Variants in OLFML2B observed in about 807,000 individuals in gnomAD.
The protein encoded by OLFML2B is olfactomedin-like protein 2B.
OLFML2B carries 57 observed loss-of-function variants against 74.9 expected under a neutral mutation model. The observed-to-expected ratio is 0.76, with a 90% CI of 0.61 to 0.95. OLFML2B has a LOEUF of 0.95. Ranked by LOEUF, OLFML2B falls within the 40% of genes least tolerant of loss-of-function variation. The pLI, the probability that OLFML2B is intolerant of heterozygous loss-of-function variation, is 0.00. For synonymous variants in OLFML2B, 388 were observed against 405.8 expected (o/e 0.96, Z 0.53); for missense variants, 986 against 970.6 (o/e 1.02, Z -0.21).
At chr1:161,996,055 C>T (rs1001916050) in intron 6 of OLFML2B, among the ~76,000 whole-genome samples, 1 of 152,142 alleles carries the variant, frequency 6.6e-6, no homozygotes, top group Non-Finnish European at 1.5e-5. Flanking sequence ...TCTCCTGCTC[C>T]CACCCTCACC....
intron 1 of OLFML2B, among the ~76,000 whole-genome samples, chr1:162,021,603 C>G (rs909957235): frequency 1.3e-5 from 2 of 152,234 alleles, no homozygotes; most frequent in African/African-American, 4.8e-5. Flanking sequence ...GTTTTCCTTG[C>G]AAAGATTGGG....
intron 6 of OLFML2B, among the ~76,000 whole-genome samples, chr1:161,996,453 C>A (rs1355502181): frequency 6.6e-6 from 1 of 152,202 alleles, no homozygotes; most frequent in East Asian, 1.9e-4. Context: ...CTGTCTCTGG[C>A]AGCAGCTGGT....
chr1:161,997,422 G>A (rs1005668886), intron 6 of OLFML2B, among the ~76,000 whole-genome samples: 4 of 152,130 alleles, frequency 2.6e-5, no homozygotes, highest in African/African-American at 9.7e-5. Context: ...ACAAATCTGA[G>A]ACTTTCCCCC....
At position 161,983,821 on chromosome 1, in the gene OLFML2B, G is replaced by C; in HGVS notation, c.2107C>G (p.His703Asp). 1 of 1,614,170 alleles carries C rather than the reference G, an allele frequency of 6.2e-7. No homozygotes were observed. Among genetic ancestry groups the C allele is most frequent in the Non-Finnish European group, 8.5e-7 (1 of 1,180,032 alleles). Residue 703 changes from histidine (H) to aspartate (D), a missense_variant, in exon 8 of 8, where the codon CAC becomes GAC. Transcript: ENST00000294794. Reference sequence around the variant, plus strand: ...CTGGGGACGATCTGTGTGTTGGTGTGGGTGTCGAAAGCGTAGGAGATGTTG... The same window carrying C: ...CTGGGGACGATCTGTGTGTTGGTGTCGGTGTCGAAAGCGTAGGAGATGTTG... ...NANISYAFDT[H>D]TNTQIVPRLL...
intron 6 of OLFML2B, among the ~76,000 whole-genome samples, chr1:161,993,210 C>T (rs923384714): frequency 2.6e-5 from 4 of 152,298 alleles, no homozygotes; most frequent in African/African-American, 7.2e-5. Flanking sequence ...CACTGGGCCC[C>T]GATGCTCTTG....
At chr1:162,009,780 C>T (rs2101971765) in intron 3 of OLFML2B, among the ~76,000 whole-genome samples, 1 of 152,310 alleles carries the variant, frequency 6.6e-6, no homozygotes. Context: ...TCAGCCACCT[C>T]CAACCTGGGG....
In OLFML2B at chr1:161,983,495, G is replaced by A. The variant is rs1004540357; in HGVS notation, c.*180C>T. On this transcript the variant is annotated 3_prime_UTR_variant, in exon 8 of 8. Coordinates refer to ENST00000294794, the MANE Select transcript of OLFML2B (RefSeq NM_015441.3). ...GGATGAGACCAGCACATACACGTAT[G>A]GATTGATCTACAATCCATATAAAAA... 3 of 635,862 alleles carry A rather than the reference G, an allele frequency of 4.7e-6. No individual in the cohort carries two copies. In the African/African-American group the frequency reaches 5.5e-5, roughly 12 times the overall value. 39.4% of individuals were successfully genotyped at this position (635,862 alleles called of 1,614,324 possible).
chr1:161,998,516 G>A (rs1025822087), intron 5 of OLFML2B, among the ~76,000 whole-genome samples, 167 bp from the exon 6 acceptor site: 7 of 152,160 alleles, frequency 4.6e-5, no homozygotes, highest in African/African-American at 7.2e-5. Context: ...GTACAGGAGC[G>A]CAGGTGGAAG....
intron 6 of OLFML2B, among the ~76,000 whole-genome samples, chr1:161,992,227 A>T (rs1437642578): frequency 2.6e-5 from 4 of 152,254 alleles, no homozygotes; most frequent in Non-Finnish European, 5.9e-5. Context: ...AGCCTCTGTT[A>T]GCTTCAGACT....
At chr1:162,022,649 T>C (rs1690752950) in intron 1 of OLFML2B, among the ~76,000 whole-genome samples, 1 of 152,178 alleles carries the variant, frequency 6.6e-6, no homozygotes, top group Non-Finnish European at 1.5e-5. Context: ...AAACGGACAC[T>C]TTACGAAGCC....
chr1:162,022,409 C>T (rs912445387), intron 1 of OLFML2B, among the ~76,000 whole-genome samples: 1 of 152,012 alleles, frequency 6.6e-6, no homozygotes, highest in Non-Finnish European at 1.5e-5. Flanking sequence ...TGCCACCACG[C>T]CTGGCTAATT....
Position 162,020,177 on chromosome 1 carries a change from C to T in OLFML2B, c.180G>A (p.Leu60=), listed in dbSNP as rs1196905768. ...DNQENVLSQL[L]GDYDKVKAMS... ...TAGCCTTGACCTTGTCATAGTCCCC[C>T]AGCAACTAGACACACAGAAAACGGG... is the stretch of plus-strand genomic sequence containing the variant. The change falls in exon 2 of 8, where the codon CTG becomes CTA. Residue 60 remains leucine, a synonymous_variant. Transcript: ENST00000294794. The T allele has an allele frequency of 2.5e-6, 4 of 1,613,952 alleles. No individual in the cohort carries two copies. The highest frequency in any genetic ancestry group is 3.4e-6 in the Non-Finnish European group (4 of 1,179,830).
intron 3 of OLFML2B, among the ~76,000 whole-genome samples, chr1:162,016,480 A>T (rs1242223728): frequency 6.6e-6 from 1 of 152,212 alleles, no homozygotes; most frequent in Non-Finnish European, 1.5e-5. Flanking sequence ...AGGAATATTG[A>T]TATGTTTACA....
intron 6 of OLFML2B, among the ~76,000 whole-genome samples, chr1:161,997,135 C>T (rs565687170): frequency 1.1e-4 from 17 of 152,092 alleles, no homozygotes; most frequent in African/African-American, 2.2e-4. Flanking sequence ...CCAGCCTGGG[C>T]GACAGAGCGA....
intron 5 of OLFML2B, 109 bp from the exon 6 acceptor site, chr1:161,998,458 G>A (rs1215854654): frequency 3.7e-5 from 46 of 1,232,322 alleles, no homozygotes; most frequent in Admixed American, 2.5e-4. Context: ...TCCTTAACAC[G>A]ACGGCTTGAG....
At position 162,000,399 on chromosome 1, in the gene OLFML2B, G is replaced by T. The variant is rs913225284; in HGVS notation, c.724-61C>A. The T allele has an allele frequency of 1.3e-5, 19 of 1,429,208 alleles. No individual in the cohort carries two copies. The African/African-American group carries it at 2.2e-4, about 17-fold the overall frequency. The allele number at this position is 1,429,208 out of a possible 1,614,324, so 88.5% of individuals were successfully genotyped here. On this transcript the variant is annotated intron_variant, in intron 4 of 7. Coordinates refer to ENST00000294794, the MANE Select transcript of OLFML2B (RefSeq NM_015441.3). ...CACTGGTCAGAGAGGCAGTGGGCAG[G>T]TGGGGGCAAGGCTGGAGCCAAGGCT...
rs757151017 is a variant in OLFML2B, at chr1:162,023,443, AAG to A, written c.-15_-14del. On this transcript the variant is annotated 5_prime_UTR_variant, in exon 1 of 8. Transcript: ENST00000294794. ...GAGGCTTGGCCATGAGGGGCGCGAT[AAG>A]AGTGTCCTCAGCCCCTTCAGAGAAT... 1 of 1,534,350 alleles carries A rather than the reference AAG, an allele frequency of 6.5e-7. No homozygotes were observed. The highest frequency in any genetic ancestry group is 1.9e-5 in the Admixed American group (1 of 52,220).
In OLFML2B at chr1:162,023,697, C is replaced by T; in HGVS notation, c.-267G>A. ...GAGGGGATGACGGAGAAGGTGGAGG[C>T]GGGCACGGGCTAGCTGAGCGAGTCG... On this transcript the variant is annotated 5_prime_UTR_variant, in exon 1 of 8. Coordinates refer to ENST00000294794, the MANE Select transcript of OLFML2B (RefSeq NM_015441.3). 3.6e-6 allele frequency: 1 copy of T among 275,760 alleles called. No individual in the cohort carries two copies. Among genetic ancestry groups the T allele is most frequent in the Non-Finnish European group, 6.7e-6 (1 of 148,456 alleles). 17.1% of individuals were successfully genotyped at this position (275,760 alleles called of 1,614,324 possible).
intron 1 of OLFML2B, among the ~76,000 whole-genome samples, chr1:162,022,529 G>A (rs1012903383): frequency 1.3e-5 from 2 of 152,004 alleles, no homozygotes; most frequent in Non-Finnish European, 2.9e-5. Context: ...GATTACAGGC[G>A]TGAGCCACCG....
Sources: gnomAD v4.1 joint callset for allele counts (sites outside exome capture counted in the v4.1 genomes callset) on GRCh38, gnomAD v4.1.1 for gene constraint, MANE v1.5 for transcripts, NCBI Gene and HGNC (gene_info 2026-07-23, HGNC 2026-07-21) for gene names.